FERMT1: variants seen among roughly 807,000 people sequenced by gnomAD.
The protein encoded by FERMT1 is FERM domain containing kindlin 1.
A neutral mutation model predicts 85.3 loss-of-function variants in FERMT1; 60 were observed. The observed-to-expected ratio is 0.70, with a 90% CI of 0.57 to 0.87. The LOEUF is 0.87. Ranked by LOEUF, FERMT1 falls within the 40% of genes least tolerant of loss-of-function variation. The pLI is 0.00. For synonymous variants in FERMT1, 275 were observed against 301.1 expected (o/e 0.91, Z 0.90); for missense variants, 701 against 818.9 (o/e 0.86, Z 1.76).
chr20:6,119,049 G>A lies in FERMT1; in HGVS notation c.151+355C>T, dbSNP rs572041036. Among the ~76,000 whole-genome samples, 17 of 151,964 alleles carry A rather than the reference G, an allele frequency of 1.1e-4. No individual in the cohort carries two copies. In the East Asian group the frequency reaches 3.1e-3, roughly 28 times the overall value. On this transcript the variant is annotated intron_variant, in intron 2 of 14. Coordinates refer to ENST00000217289, the MANE Select transcript of FERMT1 (RefSeq NM_017671.5). ...TGCAACCCCCGCCTCCCGGGTTCAA[G>A]CGATTCTCCTGCCTCAGGCTTCCGA...
intron 6 of FERMT1, among the ~76,000 whole-genome samples, chr20:6,102,279 C>T (rs1025935497): frequency 1.3e-5 from 2 of 152,098 alleles, no homozygotes; most frequent in African/African-American, 2.4e-5. Flanking sequence ...CCAATACCCC[C>T]ACCCCGAGAA....
chr20:6,120,772 T>C (rs1983250930), intron 1 of FERMT1, among the ~76,000 whole-genome samples: 1 of 152,138 alleles, frequency 6.6e-6, no homozygotes. Flanking sequence ...GGGATCCTAT[T>C]AAAATGCAGA....
At chr20:6,115,349 T>C (rs1229256630) in intron 3 of FERMT1, among the ~76,000 whole-genome samples, 1 of 152,200 alleles carries the variant, frequency 6.6e-6, no homozygotes, top group African/African-American at 2.4e-5. Flanking sequence ...GCTTAATCAC[T>C]TCATAAGTGA....
At chr20:6,107,281 G>A (rs927345306) in intron 6 of FERMT1, among the ~76,000 whole-genome samples, 1 of 151,926 alleles carries the variant, frequency 6.6e-6, no homozygotes, top group Non-Finnish European at 1.5e-5. Context: ...ATGGAGGGGG[G>A]CAGTGCATGC....
chr20:6,080,102 G>T (rs181466178), intron 13 of FERMT1, among the ~76,000 whole-genome samples: 1 of 152,162 alleles, frequency 6.6e-6, no homozygotes, highest in Non-Finnish European at 1.5e-5. Context: ...TGTGAGCCGC[G>T]TGGATATCTG....
rs1425046126 is a variant in FERMT1 at position 6,097,159 on chromosome 20, G to A, written c.958-126C>T. The A allele has an allele frequency of 5.2e-6, 5 of 965,034 alleles. No homozygotes were observed. In the Admixed American group the frequency reaches 7.2e-5, roughly 14 times the overall value. 59.8% of individuals were successfully genotyped at this position (965,034 alleles called of 1,614,324 possible). ...AATACTGAACATCTCCTAAACAGAG[G>A]TCTCCTTCCCGTGTGGGGAAAATGA... On this transcript the variant is annotated intron_variant, in intron 7 of 14. Coordinates refer to ENST00000217289, the MANE Select transcript of FERMT1 (RefSeq NM_017671.5).
rs1982531889 is a variant in FERMT1, at chr20:6,097,289, A to G, written c.957+235T>C. On this transcript the variant is annotated intron_variant, in intron 7 of 14. Transcript: ENST00000217289. ...GTAGGGAAGAGATAATAATTGCAAG[A>G]CTAGTGTCTTACAGAGGATGTGAGC... Among the ~76,000 whole-genome samples the G allele has an allele frequency of 2.0e-5, 3 of 152,342 alleles. No individual in the cohort carries two copies. In the East Asian group the frequency reaches 5.8e-4, roughly 29 times the overall value.
intron 6 of FERMT1, among the ~76,000 whole-genome samples, chr20:6,103,446 T>C (rs973825357): frequency 1.3e-5 from 2 of 152,204 alleles, no homozygotes; most frequent in African/African-American, 4.8e-5. Flanking sequence ...AGGAGTGGAT[T>C]TGCTGAATCA....
In FERMT1 at chr20:6,075,134, C is replaced by A. The variant is rs1981778973; in HGVS notation, c.*2039G>T. On this transcript the variant is annotated 3_prime_UTR_variant, in exon 15 of 15. Transcript: ENST00000217289. ...AGAAACGCTCCCCTGAAAACTGTAA[C>A]CAAACAAAGTTTGGTTAAAACAAAG... 6.7e-6 allele frequency: 1 copy of A among 149,250 alleles called. No individual in the cohort carries two copies. Among genetic ancestry groups the A allele is most frequent in the Non-Finnish European group, 1.5e-5 (1 of 67,528 alleles). The allele number at this position is 149,250 out of a possible 1,614,324, so 9.2% of individuals were successfully genotyped here.
In FERMT1 at chr20:6,104,772, A is replaced by C. The variant is rs568129449; in HGVS notation, c.849+2760T>G. On this transcript the variant is annotated intron_variant, in intron 6 of 14. Transcript: ENST00000217289. This position sits in a 1 kb window ranked among gnomAD's most constrained non-coding sequence, Gnocchi z 4.2. ...CCCCTTCTGGAGTACGATTCGTTTG[A>C]TTTCTTCCACTTTTTAGACAAATAC... Among the ~76,000 whole-genome samples, 3 of 152,248 alleles carry C rather than the reference A, an allele frequency of 2.0e-5. No homozygotes were observed. Among genetic ancestry groups the C allele is most frequent in the South Asian group, 2.1e-4 (1 of 4,824 alleles).
At chr20:6,110,215 C>A (rs1466659856) in intron 5 of FERMT1, 83 bp downstream of exon 5, 1 of 1,221,112 alleles carries the variant, frequency 8.2e-7, no homozygotes, top group Non-Finnish European at 1.2e-6. Flanking sequence ...CTAGGCCTAC[C>A]AACTTGAAAA....
chr20:6,087,730 G>A (rs372927220), intron 11 of FERMT1, 47 bp downstream of exon 11: 2 of 1,044,574 alleles, frequency 1.9e-6, no homozygotes. Context: ...TTTGCTCTTA[G>A]GCTTAGTGGA....
chr20:6,114,509 T>C (rs185229435), intron 3 of FERMT1, among the ~76,000 whole-genome samples: 1 of 152,366 alleles, frequency 6.6e-6, no homozygotes, highest in African/African-American at 2.4e-5. Flanking sequence ...TCCAGTCCAC[T>C]GTGGTGTATG....
intron 2 of FERMT1, among the ~76,000 whole-genome samples, chr20:6,117,913 C>T (rs56276919): frequency 0.035 from 5,405 of 152,312 alleles, 120 homozygotes; most frequent in South Asian, 0.071. Flanking sequence ...CCACCCACCT[C>T]AGCCTCCCAA....
intron 1 of FERMT1, among the ~76,000 whole-genome samples, chr20:6,120,006 C>G (rs2123158911): frequency 6.6e-6 from 1 of 151,926 alleles, no homozygotes; most frequent in East Asian, 1.9e-4. Flanking sequence ...ATTTTATATA[C>G]TATAGTTCAA....
intron 13 of FERMT1, among the ~76,000 whole-genome samples, chr20:6,079,804 G>C (rs765208952): frequency 1.3e-5 from 2 of 152,184 alleles, no homozygotes; most frequent in Non-Finnish European, 2.9e-5. Flanking sequence ...ACTGACATCA[G>C]AGAGAAGAAA....
Position 6,075,925 on chromosome 20 carries a change from G to C in FERMT1, c.*1248C>G, listed in dbSNP as rs996358258. ...CTCCCACCTCTAACAAACCAAAATG[G>C]AAAATGACAATTCAGGCAGCTGTTA... On this transcript the variant is annotated 3_prime_UTR_variant, in exon 15 of 15. Coordinates refer to ENST00000217289, the MANE Select transcript of FERMT1 (RefSeq NM_017671.5). 2 of 152,212 alleles carry C rather than the reference G, an allele frequency of 1.3e-5. No homozygotes were observed. Among genetic ancestry groups the C allele is most frequent in the African/African-American group, 4.8e-5 (2 of 41,366 alleles). 9.4% of individuals were successfully genotyped at this position (152,212 alleles called of 1,614,324 possible). A position where few individuals can be genotyped will look rare whatever the true frequency, so the allele number is the denominator to read the frequency against.
chr20:6,079,193 G>A (rs865920729), intron 14 of FERMT1, among the ~76,000 whole-genome samples: 13 of 152,342 alleles, frequency 8.5e-5, no homozygotes, highest in Middle Eastern at 6.8e-3. Flanking sequence ...GAACCTGTCT[G>A]TATTGAAAGT....
rs777038847 is a variant in FERMT1, at chr20:6,087,763, G to T, written c.1371+14C>A. On this transcript the variant is annotated intron_variant, in intron 11 of 14. Transcript: ENST00000217289. The stretch of plus-strand genomic sequence containing the variant: ...GGAGGTGAAGTGACTTAATATTTTT[G>T]GGGTTTTACTCACATGGTCACATCT... 7.2e-7 allele frequency: 1 copy of T among 1,392,898 alleles called. No individual in the cohort carries two copies. The highest frequency in any genetic ancestry group is 1.0e-6 in the Non-Finnish European group (1 of 977,982). The allele number at this position is 1,392,898 out of a possible 1,614,324, so 86.3% of individuals were successfully genotyped here.
Sources: gnomAD v4.1 joint callset for allele counts (sites outside exome capture counted in the v4.1 genomes callset) on GRCh38, gnomAD v4.1.1 for gene constraint, Gnocchi (gnomAD v3.1) non-coding constraint, MANE v1.5 for transcripts, NCBI Gene and HGNC (gene_info 2026-07-23, HGNC 2026-07-21) for gene names.